CXCL13: variants seen among roughly 807,000 people sequenced by gnomAD.
The protein encoded by CXCL13 is C-X-C motif chemokine ligand 13, also known as C-X-C motif chemokine 13.
CXCL13 carries 7 observed loss-of-function variants against 12.2 expected under a neutral mutation model. The observed-to-expected ratio is 0.57, with a 90% confidence interval of 0.33 to 1.07. The LOEUF (loss-of-function observed/expected upper bound fraction) is 1.07, where lower values mean the gene tolerates loss of function less well. Among genes scored for constraint, CXCL13 ranks in the 50% least tolerant of loss-of-function variants. The pLI, the probability that CXCL13 is intolerant of heterozygous loss-of-function variation, is 0.04. For synonymous variants in CXCL13, 47 were observed against 42.4 expected (o/e 1.11, Z -0.42); for missense variants, 113 against 127.4 (o/e 0.89, Z 0.55).
chr4:77,538,000 GC>G (rs2109798963), intron 1 of CXCL13, among the ~76,000 whole-genome samples: 1 of 152,248 alleles, frequency 6.6e-6, no homozygotes, highest in East Asian at 1.9e-4. Flanking sequence ...AGCCATCTCT[GC>G]CCCCAGAGAG....
chr4:77,528,610 C>A (rs1016653835), intron 1 of CXCL13, among the ~76,000 whole-genome samples: 1 of 152,176 alleles, frequency 6.6e-6, no homozygotes, highest in African/African-American at 2.4e-5. Flanking sequence ...CCTTCGCCCA[C>A]TTTTTGATGG....
chr4:77,573,613 T>C (rs1726144268), intron 1 of CXCL13, among the ~76,000 whole-genome samples: 1 of 151,788 alleles, frequency 6.6e-6, no homozygotes, highest in African/African-American at 2.4e-5. Context: ...AAGAAGATAT[T>C]CTTTTATTTT....
At chr4:77,593,147 A>G (rs1035719916) in intron 1 of CXCL13, among the ~76,000 whole-genome samples, 2 of 152,144 alleles carry the variant, frequency 1.3e-5, no homozygotes, top group African/African-American at 4.8e-5. Context: ...CACACCAACA[A>G]GGTAAGAAAT....
intron 1 of CXCL13, among the ~76,000 whole-genome samples, chr4:77,563,005 T>G (rs1725848398): frequency 6.6e-6 from 1 of 152,042 alleles, no homozygotes; most frequent in African/African-American, 2.4e-5. Context: ...GTTCTTTCAC[T>G]CTTTTCAATA....
intron 1 of CXCL13, among the ~76,000 whole-genome samples, chr4:77,568,322 A>G (rs1725984858): frequency 6.6e-6 from 1 of 152,178 alleles, no homozygotes; most frequent in Admixed American, 6.5e-5. Flanking sequence ...GCCTGTTTGC[A>G]GTCTCCCATT....
intron 1 of CXCL13, among the ~76,000 whole-genome samples, chr4:77,556,239 T>C (rs1218106332): frequency 6.6e-6 from 1 of 152,204 alleles, no homozygotes; most frequent in Non-Finnish European, 1.5e-5. Context: ...CAAATTGTGG[T>C]ATATCATTAC....
chr4:77,571,084 C>T (rs796539203), intron 1 of CXCL13, among the ~76,000 whole-genome samples: 2 of 152,152 alleles, frequency 1.3e-5, no homozygotes, highest in African/African-American at 4.8e-5. Flanking sequence ...GCTCCATCTG[C>T]AGCCCCGGTG....
intron 1 of CXCL13, among the ~76,000 whole-genome samples, chr4:77,544,741 T>C (rs1002297009): frequency 6.6e-6 from 1 of 152,234 alleles, no homozygotes; most frequent in Non-Finnish European, 1.5e-5. Context: ...TCAGAAGCTC[T>C]TTAGTTTAAT....
intron 1 of CXCL13, among the ~76,000 whole-genome samples, chr4:77,534,704 C>A (rs1475837735): frequency 6.6e-6 from 1 of 152,192 alleles, no homozygotes; most frequent in Non-Finnish European, 1.5e-5. Flanking sequence ...ACAGGTGATA[C>A]ACAGCAGAAG....
At chr4:77,521,239 T>A (rs1309187868) in intron 1 of CXCL13, among the ~76,000 whole-genome samples, 1 of 152,202 alleles carries the variant, frequency 6.6e-6, no homozygotes, top group Non-Finnish European at 1.5e-5. Flanking sequence ...CATAAATGAG[T>A]TAGGGAGGAC....
Position 77,611,765 on chromosome 4 carries a change from G to A in CXCL13, c.*726G>A, listed in dbSNP as rs539652004. Reference sequence around the variant, plus strand: ...GGGGGGCGGGGCCGGGGGGACTCTGGTATCTAATTCTTTAATGATTCCTAT... The same window carrying A: ...GGGGGGCGGGGCCGGGGGGACTCTGATATCTAATTCTTTAATGATTCCTAT... On this transcript the variant is annotated 3_prime_UTR_variant, in exon 4 of 4. Coordinates refer to ENST00000682537, the MANE Select transcript of CXCL13 (RefSeq NM_001371558.1). 45 of 398,002 alleles carry A rather than the reference G, an allele frequency of 1.1e-4. No individual in the cohort carries two copies. The highest frequency in any genetic ancestry group is 5.3e-4 in the Admixed American group (12 of 22,586). The allele number at this position is 398,002 out of a possible 1,614,324, so 24.7% of individuals were successfully genotyped here.
intron 1 of CXCL13, among the ~76,000 whole-genome samples, chr4:77,587,463 A>T (rs1032317166): frequency 6.6e-6 from 1 of 152,180 alleles, no homozygotes; most frequent in Non-Finnish European, 1.5e-5. Context: ...AACAATGGTG[A>T]TCCTTAGGGG....
intron 1 of CXCL13, among the ~76,000 whole-genome samples, chr4:77,535,977 A>T (rs1313724779): frequency 6.6e-6 from 1 of 152,174 alleles, no homozygotes; most frequent in African/African-American, 2.4e-5. Context: ...AATTTAGAAT[A>T]CTTTGTTGAG....
At chr4:77,538,477 A>C (rs1578043313) in intron 1 of CXCL13, among the ~76,000 whole-genome samples, 1 of 150,766 alleles carries the variant, frequency 6.6e-6, no homozygotes, top group East Asian at 1.9e-4. Flanking sequence ...AGAAGAAATC[A>C]GAAAACATCA....
intron 1 of CXCL13, among the ~76,000 whole-genome samples, chr4:77,547,928 G>C (rs1271080979): frequency 6.6e-6 from 1 of 152,024 alleles, no homozygotes; most frequent in Non-Finnish European, 1.5e-5. Flanking sequence ...GGCAGGCCTG[G>C]TGGTGACAAA....
intron 1 of CXCL13, among the ~76,000 whole-genome samples, chr4:77,544,887 A>G (rs1419909744): frequency 1.3e-5 from 2 of 152,180 alleles, no homozygotes; most frequent in African/African-American, 2.4e-5. Context: ...TAGGTCTAAC[A>G]TGCAAGTCTT....
At chr4:77,573,690 C>T (rs1013669446) in intron 1 of CXCL13, among the ~76,000 whole-genome samples, 7 of 151,928 alleles carry the variant, frequency 4.6e-5, no homozygotes, top group Admixed American at 6.5e-5. Flanking sequence ...GGAAAAACAA[C>T]ATGGCACTCA....
intron 1 of CXCL13, among the ~76,000 whole-genome samples, chr4:77,559,794 T>G (rs1024082611): frequency 1.3e-5 from 2 of 151,830 alleles, no homozygotes; most frequent in South Asian, 2.1e-4. Context: ...TGGTGGCGGG[T>G]GCCTGTAGTC....
At chr4:77,585,604 C>T (rs1328894286) in intron 1 of CXCL13, among the ~76,000 whole-genome samples, 1 of 152,198 alleles carries the variant, frequency 6.6e-6, no homozygotes, top group African/African-American at 2.4e-5. Flanking sequence ...CTTTCCTACA[C>T]CAGTCTCAGA....
Sources: gnomAD v4.1 joint callset for allele counts (sites outside exome capture counted in the v4.1 genomes callset) on GRCh38, gnomAD v4.1.1 for gene constraint, MANE v1.5 for transcripts, NCBI Gene and HGNC (gene_info 2026-07-23, HGNC 2026-07-21) for gene names.